IKZF3: variants seen among roughly 807,000 people sequenced by gnomAD.
The protein encoded by IKZF3 is IKAROS family zinc finger 3.
A neutral mutation model predicts 49.0 loss-of-function variants in IKZF3; 10 were observed. The observed-to-expected ratio is 0.20, with a 90% CI of 0.13 to 0.35. The LOEUF is 0.35. Ranked by LOEUF, IKZF3 falls within the 10% of genes least tolerant of loss-of-function variation. IKZF3 has a pLI of 1.00. For synonymous variants in IKZF3, 209 were observed against 228.2 expected (o/e 0.92, Z 0.76); for missense variants, 498 against 664.8 (o/e 0.75, Z 2.76).
rs754805856 is a variant in IKZF3 at position 39,765,833 on chromosome 17, G to A, written c.1487C>T (p.Ser496Leu). Reference sequence around the variant, plus strand: ...GTGTTCTCCTCTGGCTATGTGAGACGAGAACTCATACCGATCATGGCTTCG... The same window carrying A: ...GTGTTCTCCTCTGGCTATGTGAGACAAGAACTCATACCGATCATGGCTTCG... ...GYRSHDRYEF[S>L]SHIARGEHRA... Residue 496 changes from serine (S) to leucine (L), a missense_variant, in exon 8 of 8, where the codon TCG becomes TTG. Ser to Leu is a moderately radical substitution (Grantham distance 145). This residue lies in a region of IKZF3 where 317 missense variants were observed against 397.3 expected (regional missense o/e 0.80). Transcript: ENST00000346872. 6.2e-7 allele frequency: 1 copy of A among 1,613,268 alleles called. No homozygotes were observed. Among genetic ancestry groups the A allele is most frequent in the Non-Finnish European group, 8.5e-7 (1 of 1,179,304 alleles).
intron 3 of IKZF3, among the ~76,000 whole-genome samples, chr17:39,815,449 T>C (rs952195100): frequency 6.6e-6 from 1 of 152,228 alleles, no homozygotes; most frequent in Non-Finnish European, 1.5e-5. Context: ...ATCTTCCCTC[T>C]AGCCTTGATA....
At chr17:39,805,764 A>T (rs1007601036) in intron 3 of IKZF3, among the ~76,000 whole-genome samples, 2 of 152,218 alleles carry the variant, frequency 1.3e-5, no homozygotes, top group Non-Finnish European at 2.9e-5. Context: ...GCCCAGTAAC[A>T]TACTTCAAGG....
intron 1 of IKZF3, among the ~76,000 whole-genome samples, chr17:39,842,054 A>AAAAAAAAG: frequency 1.3e-5 from 2 of 148,430 alleles, no homozygotes; most frequent in Non-Finnish European, 3.0e-5. Context: ...AAAAAAAAAA[A>AAAAAAAAG]AAAAACCAGA....
At chr17:39,768,883 A>G (rs1029791811) in intron 7 of IKZF3, among the ~76,000 whole-genome samples, 2 of 152,234 alleles carry the variant, frequency 1.3e-5, no homozygotes, top group African/African-American at 2.4e-5. Context: ...GAAACAGAGC[A>G]TTTCATTAAA....
chr17:39,864,233 G>T lies in IKZF3; in HGVS notation c.-107C>A, dbSNP rs905195326. 6.1e-5 allele frequency: 82 copies of T among 1,347,032 alleles called. No individual in the cohort carries two copies. Among genetic ancestry groups the T allele is most frequent in the Middle Eastern group, 2.5e-4 (1 of 4,024 alleles). 83.4% of individuals were successfully genotyped at this position (1,347,032 alleles called of 1,614,324 possible). A position where few individuals can be genotyped will look rare whatever the true frequency, so the allele number is the denominator to read the frequency against. ...GCAGCTGGCGGGAGATTCCCGGCGCGGGGAGTCCCCGGGATCCGGCAGCCG... is the reference window on the plus strand; with the variant it reads ...GCAGCTGGCGGGAGATTCCCGGCGCTGGGAGTCCCCGGGATCCGGCAGCCG... On this transcript the variant is annotated 5_prime_UTR_variant, in exon 1 of 8. Transcript: ENST00000346872.
chr17:39,786,122 A>G (rs1007643814), intron 6 of IKZF3, among the ~76,000 whole-genome samples: 1 of 152,218 alleles, frequency 6.6e-6, no homozygotes. Context: ...ATGTTCTGAA[A>G]TAAGATAGTG....
chr17:39,824,575 T>A (rs2061906132), intron 3 of IKZF3, among the ~76,000 whole-genome samples: 1 of 152,136 alleles, frequency 6.6e-6, no homozygotes, highest in South Asian at 2.1e-4. Flanking sequence ...ACCCCCATTA[T>A]CCCCACGTGT....
At position 39,761,077 on chromosome 17, in the gene IKZF3, TAGG is replaced by T. The variant is rs1306858893; in HGVS notation, c.*4710_*4712del. Reference sequence around the variant, plus strand: ...CTGAGGTAGGAGGATTGTTTGAGCCTAGGAGATCAAAATCTGAGGTCATTTTAT... The same window carrying T: ...CTGAGGTAGGAGGATTGTTTGAGCCTAGATCAAAATCTGAGGTCATTTTAT... On this transcript the variant is annotated 3_prime_UTR_variant, in exon 8 of 8. Coordinates refer to ENST00000346872, the MANE Select transcript of IKZF3 (RefSeq NM_012481.5). 6.6e-6 allele frequency: 1 copy of T among 151,574 alleles called. No individual in the cohort carries two copies. Among genetic ancestry groups the T allele is most frequent in the Non-Finnish European group, 1.5e-5 (1 of 67,866 alleles). 9.4% of individuals were successfully genotyped at this position (151,574 alleles called of 1,614,324 possible). A position where few individuals can be genotyped will look rare whatever the true frequency, so the allele number is the denominator to read the frequency against.
At position 39,793,599 on chromosome 17, in the gene IKZF3, C is replaced by T. The variant is rs116179529; in HGVS notation, c.164-666G>A. Among the ~76,000 whole-genome samples the T allele has an allele frequency of 4.9e-4, 75 of 152,214 alleles. 1 individual carries two copies. Among genetic ancestry groups the T allele is most frequent in the African/African-American group, 1.7e-3 (69 of 41,518 alleles). ...AAGGAAAAGTAATTCTTTCATATAA[C>T]CTAAGGAGTCACTTTCATCGACACA... On this transcript the variant is annotated intron_variant, in intron 3 of 7. Coordinates refer to ENST00000346872, the MANE Select transcript of IKZF3 (RefSeq NM_012481.5).
At chr17:39,836,417 T>A (rs933512662) in intron 1 of IKZF3, among the ~76,000 whole-genome samples, 2 of 152,102 alleles carry the variant, frequency 1.3e-5, no homozygotes, top group Non-Finnish European at 2.9e-5. Context: ...CTGATGGACA[T>A]GGTGGAGGCG....
intron 6 of IKZF3, among the ~76,000 whole-genome samples, chr17:39,778,525 G>A (rs905221904): frequency 6.6e-6 from 1 of 152,154 alleles, no homozygotes; most frequent in African/African-American, 2.4e-5. Flanking sequence ...CCTATGGGCT[G>A]GGTGCGGTGG....
At chr17:39,789,624 AGGCT>A (rs2060963230) in intron 5 of IKZF3, among the ~76,000 whole-genome samples, 1 of 152,084 alleles carries the variant, frequency 6.6e-6, no homozygotes, top group Non-Finnish European at 1.5e-5. Context: ...GCTACTAGGG[AGGCT>A]GAGGCAGGAG....
At chr17:39,821,084 T>C (rs1389672764) in intron 3 of IKZF3, among the ~76,000 whole-genome samples, 1 of 151,990 alleles carries the variant, frequency 6.6e-6, no homozygotes, top group Non-Finnish European at 1.5e-5. Flanking sequence ...TTCCAGAAAA[T>C]TACTAAACCT....
intron 6 of IKZF3, among the ~76,000 whole-genome samples, chr17:39,778,403 C>G (rs2060644689): frequency 6.6e-6 from 1 of 151,664 alleles, no homozygotes; most frequent in South Asian, 2.1e-4. Context: ...CTTCACATTT[C>G]AAAATAGTCT....
intron 1 of IKZF3, among the ~76,000 whole-genome samples, chr17:39,837,817 T>C (rs1217038956): frequency 5.3e-5 from 8 of 151,880 alleles, no homozygotes; most frequent in Non-Finnish European, 2.9e-5. Context: ...TTTTGTATTT[T>C]TTTTTTAGTA....
intron 6 of IKZF3, chr17:39,778,223 A>T: frequency 1.0e-6 from 1 of 978,940 alleles, no homozygotes; most frequent in Non-Finnish European, 1.2e-6. Flanking sequence ...GCACTTTTGA[A>T]AATAGGTACA....
At chr17:39,801,899 G>GA (rs1468891924) in intron 3 of IKZF3, among the ~76,000 whole-genome samples, 1 of 151,838 alleles carries the variant, frequency 6.6e-6, no homozygotes, top group Non-Finnish European at 1.5e-5. Flanking sequence ...TTTAAATTAG[G>GA]AAAAAACTGG....
In IKZF3 at chr17:39,765,955, G is replaced by C. The variant is rs2060277221; in HGVS notation, c.1365C>G (p.Asp455Glu). 6.2e-7 allele frequency: 1 copy of C among 1,614,244 alleles called. No individual in the cohort carries two copies. Among genetic ancestry groups the C allele is most frequent in the Non-Finnish European group, 8.5e-7 (1 of 1,180,052 alleles). The change falls in exon 8 of 8, where the codon GAC (aspartate) becomes GAG (glutamate). Residue 455 changes from aspartate to glutamate, a missense_variant. By Grantham distance (45) the Asp-to-Glu change is conservative. Coordinates refer to ENST00000346872, the MANE Select transcript of IKZF3 (RefSeq NM_012481.5). ...AGTCCAGGAAGAGGACGCGGCAGTG[G>C]TCACACCGATACACATCCATCACCT... The part of the protein sequence containing the change: ...EGEVMDVYRC[D>E]HCRVLFLDYV...
intron 3 of IKZF3, among the ~76,000 whole-genome samples, chr17:39,797,862 A>G (rs1016848071): frequency 2.6e-5 from 4 of 151,824 alleles, no homozygotes; most frequent in African/African-American, 9.7e-5. Flanking sequence ...CCCCTCTTGT[A>G]TGGCAATTTC....
Sources: allele counts gnomAD v4.1 joint callset (sites outside exome capture counted in the v4.1 genomes callset), GRCh38; gene constraint gnomAD v4.1.1; regional missense constraint gnomAD v4.1.1; transcripts MANE v1.5; gene names NCBI Gene and HGNC (gene_info 2026-07-23, HGNC 2026-07-21).